The following MDGA2 variants were observed in gnomAD, a reference collection of about 807,000 sequenced individuals.
MDGA2 encodes the protein MAM domain containing glycosylphosphatidylinositol anchor 2.
In MDGA2, 40 loss-of-function variants were observed where a neutral mutation model predicts 117.8. The observed-to-expected ratio is 0.34, with a 90% CI of 0.26 to 0.44. MDGA2 has a LOEUF of 0.44. Among genes scored for constraint, MDGA2 ranks in the 20% least tolerant of loss-of-function variants. MDGA2 has a pLI of 1.00. For synonymous variants in MDGA2, 452 were observed against 439.0 expected (o/e 1.03, Z -0.37); for missense variants, 1,123 against 1,250.6 (o/e 0.90, Z 1.54).
chr14:46,893,630 C>T (rs1044814997), intron 10 of MDGA2, among the ~76,000 whole-genome samples: 34 of 151,726 alleles, frequency 2.2e-4, no homozygotes, highest in African/African-American at 7.5e-4. Context: ...TGTTGTATAC[C>T]TTAAAAATGT....
intron 1 of MDGA2, among the ~76,000 whole-genome samples, chr14:47,465,316 G>C (rs554607227): frequency 6.6e-6 from 1 of 151,952 alleles, no homozygotes; most frequent in Non-Finnish European, 1.5e-5. Flanking sequence ...TGCAACAAAA[G>C]GAAAAATTGA....
intron 9 of MDGA2, among the ~76,000 whole-genome samples, chr14:46,932,493 C>A (rs965208222): frequency 2.3e-4 from 35 of 151,918 alleles, no homozygotes; most frequent in African/African-American, 8.2e-4. Flanking sequence ...CATTTTTCTT[C>A]AATATTTTAA....
At chr14:46,902,475 A>G (rs543714176) in intron 10 of MDGA2, among the ~76,000 whole-genome samples, 5 of 152,274 alleles carry the variant, frequency 3.3e-5, no homozygotes, top group Admixed American at 6.5e-5. Flanking sequence ...ATATATTTGA[A>G]TACATAGAAA....
At chr14:47,213,676 G>T (rs114573366) in intron 3 of MDGA2, among the ~76,000 whole-genome samples, 3,115 of 152,078 alleles carry the variant, frequency 0.02, 121 homozygotes, top group African/African-American at 0.069. Context: ...CTTTTAATAT[G>T]TAAGAGCTAT....
At chr14:47,391,060 G>A (rs1891882993) in intron 1 of MDGA2, among the ~76,000 whole-genome samples, 1 of 152,100 alleles carries the variant, frequency 6.6e-6, no homozygotes, top group Non-Finnish European at 1.5e-5. Context: ...TTGATGCTAT[G>A]CTTTTAAGGT....
intron 1 of MDGA2, among the ~76,000 whole-genome samples, chr14:47,641,683 C>G (rs969565534): frequency 2.0e-5 from 3 of 152,044 alleles, no homozygotes; most frequent in Non-Finnish European, 2.9e-5. Context: ...GGATATCAAC[C>G]TCTTAGAATA....
intron 9 of MDGA2, among the ~76,000 whole-genome samples, chr14:46,942,691 G>A (rs1885040919): frequency 1.3e-5 from 2 of 151,946 alleles, no homozygotes; most frequent in South Asian, 4.1e-4. Flanking sequence ...CTTTTCACTC[G>A]ACATTGTTTT....
intron 1 of MDGA2, among the ~76,000 whole-genome samples, chr14:47,580,090 G>A (rs911783740): frequency 3.3e-5 from 5 of 151,996 alleles, no homozygotes; most frequent in African/African-American, 1.2e-4. Flanking sequence ...CTTGAACCCA[G>A]CTCTATTGAA....
At position 47,483,942 on chromosome 14, in the gene MDGA2, C is replaced by T. The variant is rs572928768; in HGVS notation, c.281-182392G>A. Reference sequence around the variant, plus strand: ...GTCTACCCAGTATTGGTAAAAAGTACCTGTGGTGTCAAAACTCTTGAGATA... The same window carrying T: ...GTCTACCCAGTATTGGTAAAAAGTATCTGTGGTGTCAAAACTCTTGAGATA... On this transcript the variant is annotated intron_variant, in intron 1 of 16. Coordinates refer to ENST00000399232, the MANE Select transcript of MDGA2 (RefSeq NM_001113498.3). 1.3e-4 allele frequency among the ~76,000 whole-genome samples: 20 copies of T among 152,202 alleles called. No homozygotes were observed. The South Asian group carries it at 4.2e-3, about 32-fold the overall frequency.
chr14:47,632,662 A>C (rs917718356), intron 1 of MDGA2, among the ~76,000 whole-genome samples: 2 of 152,182 alleles, frequency 1.3e-5, no homozygotes, highest in African/African-American at 4.8e-5. Flanking sequence ...TTTCACATTA[A>C]AAGAAACATA....
intron 1 of MDGA2, among the ~76,000 whole-genome samples, chr14:47,565,687 C>T (rs1341988791): frequency 6.6e-6 from 1 of 152,164 alleles, no homozygotes; most frequent in Non-Finnish European, 1.5e-5. Context: ...CTGGTGGGTC[C>T]TGGGCACCAG....
chr14:46,888,976 A>C (rs1359253381), intron 10 of MDGA2, among the ~76,000 whole-genome samples: 1 of 152,030 alleles, frequency 6.6e-6, no homozygotes, highest in Non-Finnish European at 1.5e-5. Flanking sequence ...TACAGACCCT[A>C]AATCACTCAC....
chr14:47,381,231 A>G lies in MDGA2; in HGVS notation c.281-79681T>C, dbSNP rs150323834. Among the ~76,000 whole-genome samples the G allele has an allele frequency of 3.4e-4, 52 of 152,326 alleles. No homozygotes were observed. In the East Asian group the frequency reaches 9.1e-3, roughly 27 times the overall value. On this transcript the variant is annotated intron_variant, in intron 1 of 16. Transcript: ENST00000399232. ...TATCTCAAAATAATAAGAGCTATCT[A>G]TGACAAACCTATAGCCAATATCATA...
At chr14:47,088,264 G>GAAAC (rs60532467) in intron 6 of MDGA2, among the ~76,000 whole-genome samples, 48,810 of 151,680 alleles carry the variant, frequency 0.32, 8,212 homozygotes, top group African/African-American at 0.42. Context: ...AGATAATAAT[G>GAAAC]CATTTTTGAG....
intron 1 of MDGA2, among the ~76,000 whole-genome samples, chr14:47,496,947 A>G (rs940597570): frequency 1.4e-4 from 22 of 151,958 alleles, no homozygotes; most frequent in African/African-American, 5.1e-4. Context: ...TTAGATTCTC[A>G]TAAGGAGCAG....
At chr14:47,001,360 C>T (rs944493162) in intron 8 of MDGA2, among the ~76,000 whole-genome samples, 17 of 151,690 alleles carry the variant, frequency 1.1e-4, no homozygotes, top group African/African-American at 3.9e-4. Flanking sequence ...TGTTCATAAA[C>T]GAGGAGTTAA....
intron 1 of MDGA2, among the ~76,000 whole-genome samples, chr14:47,439,028 G>T (rs1892950360): frequency 6.6e-6 from 1 of 152,088 alleles, no homozygotes; most frequent in Non-Finnish European, 1.5e-5. Context: ...CAAATAATCT[G>T]CAGAATTTAT....
chr14:47,205,175 GC>G (rs771470988), intron 3 of MDGA2, among the ~76,000 whole-genome samples: 5 of 151,694 alleles, frequency 3.3e-5, no homozygotes, highest in Non-Finnish European at 7.4e-5. Flanking sequence ...TATATATGTA[GC>G]CCCATTCTCC....
intron 10 of MDGA2, among the ~76,000 whole-genome samples, chr14:46,918,515 T>C (rs188670004): frequency 1.3e-5 from 2 of 152,276 alleles, no homozygotes; most frequent in African/African-American, 4.8e-5. Context: ...CAAATTAGAA[T>C]GGGTAGAACG....
Sources: allele counts gnomAD v4.1 joint callset (sites outside exome capture counted in the v4.1 genomes callset), GRCh38; gene constraint gnomAD v4.1.1; transcripts MANE v1.5; gene names NCBI Gene and HGNC (gene_info 2026-07-23, HGNC 2026-07-21).